MYO5C: variants seen among roughly 807,000 people sequenced by gnomAD.
The protein encoded by MYO5C is myosin VC, also known as unconventional myosin-Vc.
Under a neutral mutation model 235.7 loss-of-function variants are expected in MYO5C, and 194 were observed. That is an observed-to-expected ratio of 0.82 (90% CI 0.73 to 0.93). The LOEUF (loss-of-function observed/expected upper bound fraction) is 0.93, where lower values mean the gene tolerates loss of function less well. Ranked by LOEUF, MYO5C falls within the 40% of genes least tolerant of loss-of-function variation. The pLI is 0.00. For synonymous variants in MYO5C, 707 were observed against 754.8 expected (o/e 0.94, Z 1.04); for missense variants, 2,038 against 2,127.2 (o/e 0.96, Z 0.82).
Position 52,193,795 on chromosome 15 carries a change from C to G in MYO5C, c.*107G>C. Reference sequence around the variant, plus strand: ...GGTCCATTTGAGAAAAGTCTGTTTTCTTCCTTAAATCACATTCCAATTTCC... The same window carrying G: ...GGTCCATTTGAGAAAAGTCTGTTTTGTTCCTTAAATCACATTCCAATTTCC... On this transcript the variant is annotated 3_prime_UTR_variant, in exon 41 of 41. Transcript: ENST00000261839. 1 of 1,252,496 alleles carries G rather than the reference C, an allele frequency of 8.0e-7. No homozygotes were observed. Among genetic ancestry groups the G allele is most frequent in the Non-Finnish European group, 1.1e-6 (1 of 898,854 alleles). 77.6% of individuals were successfully genotyped at this position (1,252,496 alleles called of 1,614,324 possible).
At chr15:52,291,731 G>GT (rs1196328559) in intron 1 of MYO5C, among the ~76,000 whole-genome samples, 661 of 52,528 alleles carry the variant, frequency 0.013, 121 homozygotes, top group East Asian at 0.034. Context: ...CATATTTTAT[G>GT]TTTTTTTTTT....
chr15:52,197,535 C>T (rs890265731), intron 38 of MYO5C, among the ~76,000 whole-genome samples: 1 of 152,078 alleles, frequency 6.6e-6, no homozygotes, highest in African/African-American at 2.4e-5. Flanking sequence ...TATAAGGTTT[C>T]GTTCTGGAGG....
intron 1 of MYO5C, among the ~76,000 whole-genome samples, chr15:52,293,111 G>A (rs2037427058): frequency 6.6e-6 from 1 of 152,180 alleles, no homozygotes. Flanking sequence ...CTAAGGCATG[G>A]CACCTGTAGC....
chr15:52,234,361 A>G (rs781000769), intron 23 of MYO5C, among the ~76,000 whole-genome samples: 2 of 152,230 alleles, frequency 1.3e-5, no homozygotes, highest in Non-Finnish European at 2.9e-5. Flanking sequence ...GAAAGTTTTC[A>G]TGGACTTTTT....
At chr15:52,218,386 A>G (rs1231597895) in intron 32 of MYO5C, 133 bp downstream of exon 32, 2 of 929,242 alleles carry the variant, frequency 2.2e-6, no homozygotes, top group Non-Finnish European at 3.2e-6. Context: ...CTTTTGGGAT[A>G]AGAAAACAGA....
chr15:52,194,534 TTGTGTATA>T (rs1434377786), intron 40 of MYO5C, among the ~76,000 whole-genome samples: 2 of 152,178 alleles, frequency 1.3e-5, no homozygotes, highest in Non-Finnish European at 2.9e-5. Context: ...TAAATATACA[TTGTGTATA>T]TGTGTATATC....
chr15:52,231,407 C>T (rs1264532333), intron 24 of MYO5C, among the ~76,000 whole-genome samples: 1 of 152,198 alleles, frequency 6.6e-6, no homozygotes, highest in African/African-American at 2.4e-5. Context: ...CTCAGCCTGG[C>T]TCTCCAAGAC....
chr15:52,228,205 G>A (rs944051841), intron 25 of MYO5C, among the ~76,000 whole-genome samples: 6 of 151,640 alleles, frequency 4.0e-5, no homozygotes, highest in South Asian at 2.1e-4. Flanking sequence ...GTGCAGTGGC[G>A]CGATCTCGGC....
intron 24 of MYO5C, among the ~76,000 whole-genome samples, chr15:52,232,159 AAGGAAGGGAAGGAAGGG>A (rs143123745): frequency 0.17 from 5,243 of 31,676 alleles, 356 homozygotes; most frequent in Non-Finnish European, 0.38. Flanking sequence ...AAAGGAAGGA[AAGGAAGGGAAGGAAGGG>A]AGGAAGGGAG....
chr15:52,263,975 C>T (rs959309044), intron 9 of MYO5C, among the ~76,000 whole-genome samples: 2 of 152,284 alleles, frequency 1.3e-5, no homozygotes, highest in African/African-American at 4.8e-5. Context: ...GAAAAGCACA[C>T]AGGAGATCCA....
At chr15:52,253,038 T>C (rs1160576491) in intron 12 of MYO5C, among the ~76,000 whole-genome samples, 2 of 152,248 alleles carry the variant, frequency 1.3e-5, no homozygotes, top group African/African-American at 4.8e-5. Flanking sequence ...CTTGCTGTTT[T>C]CATGCATGTT....
intron 11 of MYO5C, among the ~76,000 whole-genome samples, chr15:52,254,216 G>C (rs2036534799): frequency 6.6e-6 from 1 of 152,232 alleles, no homozygotes; most frequent in South Asian, 2.1e-4. Flanking sequence ...TCTAGGAGCA[G>C]TGAGGACCCG....
chr15:52,280,441 T>C (rs2037142146), intron 2 of MYO5C, among the ~76,000 whole-genome samples: 1 of 152,254 alleles, frequency 6.6e-6, no homozygotes, highest in African/African-American at 2.4e-5. Flanking sequence ...CCCCGTGGCA[T>C]CTGTGCCACA....
Position 52,275,694 on chromosome 15 carries a change from A to T in MYO5C, c.474T>A (p.Ile158=), listed in dbSNP as rs1312242532. ...MARNNRNQSI[I]VSGESGAGKT... Reference sequence around the variant, plus strand: ...TTCCAGCACCTGACTCCCCACTTACAATTATGGACTGGTTTCTGTTGTTTC... The same window carrying T: ...TTCCAGCACCTGACTCCCCACTTACTATTATGGACTGGTTTCTGTTGTTTC... The change falls in exon 5 of 41, where the codon ATT becomes ATA. Residue 158 remains isoleucine (I), a synonymous_variant. Coordinates refer to ENST00000261839, the MANE Select transcript of MYO5C (RefSeq NM_018728.4). 6.2e-7 allele frequency: 1 copy of T among 1,614,042 alleles called. No homozygotes were observed. The highest frequency in any genetic ancestry group is 8.5e-7 in the Non-Finnish European group (1 of 1,180,040).
intron 6 of MYO5C, among the ~76,000 whole-genome samples, chr15:52,272,251 T>C (rs1320849345): frequency 2.0e-5 from 3 of 152,222 alleles, no homozygotes; most frequent in Non-Finnish European, 4.4e-5. Context: ...CCCTTCCTGA[T>C]AGGAAAGCCA....
intron 7 of MYO5C, 70 bp from the exon 8 acceptor site, chr15:52,269,930 A>C: frequency 9.5e-7 from 1 of 1,055,886 alleles, no homozygotes; most frequent in Non-Finnish European, 1.5e-6. Context: ...TATCAGAAGA[A>C]GGGAAGTTCA....
chr15:52,218,419 G>T, intron 32 of MYO5C, 100 bp downstream of exon 32: 2 of 1,158,692 alleles, frequency 1.7e-6, no homozygotes, highest in Non-Finnish European at 2.5e-6. Flanking sequence ...AAGGACTTTT[G>T]GTCTATAGAT....
intron 18 of MYO5C, 64 bp from the exon 19 acceptor site, chr15:52,244,631 G>A: frequency 3.3e-6 from 4 of 1,208,166 alleles, no homozygotes; most frequent in Non-Finnish European, 4.7e-6. Flanking sequence ...TACAGTATTT[G>A]GAAAAGAGCT....
rs1402578697 is a variant in MYO5C, at chr15:52,223,409, A to G, written c.3627+135T>C. The G allele has an allele frequency of 1.0e-5, 8 of 799,282 alleles. No individual in the cohort carries two copies. In the East Asian group the frequency reaches 2.1e-4, roughly 21 times the overall value. The allele number at this position is 799,282 out of a possible 1,614,324, so 49.5% of individuals were successfully genotyped here. The stretch of plus-strand genomic sequence containing the variant: ...GCAGTCATTTTATAGTTTAATCACC[A>G]GACCAAGTTATTTCACTTCTGGAAA... On this transcript the variant is annotated intron_variant, in intron 29 of 40. Transcript: ENST00000261839.
Sources: gnomAD v4.1 joint callset for allele counts (sites outside exome capture counted in the v4.1 genomes callset) on GRCh38, gnomAD v4.1.1 for gene constraint, MANE v1.5 for transcripts, NCBI Gene and HGNC (gene_info 2026-07-23, HGNC 2026-07-21) for gene names.